WWOX: variants seen among roughly 807,000 people sequenced by gnomAD.
The protein encoded by WWOX is WW domain containing oxidoreductase.
In WWOX, 69 loss-of-function variants were observed where a neutral mutation model predicts 46.2. The observed-to-expected ratio is 1.49, with a 90% CI of 1.23 to 1.82. The LOEUF is 1.82. Among genes scored for constraint, WWOX ranks in the 40% most tolerant of loss-of-function variants. The probability of loss-of-function intolerance (pLI) is 0.00; values close to 1 mark genes in which losing one functional copy is unlikely to be tolerated. For missense variants in WWOX, 919 were observed against 542.6 expected, an observed-to-expected ratio of 1.69 and a Z score of -6.89; for synonymous variants, 359 against 202.6, an observed-to-expected ratio of 1.77 and a Z score of -6.56.
chr16:78,180,750 T>A (rs2035506967), intron 5 of WWOX, among the ~76,000 whole-genome samples: 1 of 151,016 alleles, frequency 6.6e-6, no homozygotes, highest in African/African-American at 2.4e-5. Flanking sequence ...AGTGGGTAAA[T>A]CCAGCTGTAC....
chr16:79,065,803 G>C (rs1312921812), intron 8 of WWOX, among the ~76,000 whole-genome samples: 1 of 152,238 alleles, frequency 6.6e-6, no homozygotes, highest in Non-Finnish European at 1.5e-5. Context: ...GCCCAGGGAT[G>C]AGTGAGGACT....
chr16:79,029,971 T>A (rs2047721293), intron 8 of WWOX, among the ~76,000 whole-genome samples: 1 of 152,208 alleles, frequency 6.6e-6, no homozygotes, highest in Non-Finnish European at 1.5e-5. Flanking sequence ...TTGATGATCC[T>A]GGTGGTAGGT....
intron 5 of WWOX, among the ~76,000 whole-genome samples, chr16:78,370,401 A>T (rs1347132927): frequency 6.6e-6 from 1 of 152,176 alleles, no homozygotes; most frequent in Non-Finnish European, 1.5e-5. Context: ...AATATTATTC[A>T]TTGGATAAAT....
At chr16:79,173,281 A>C (rs1478422758) in intron 8 of WWOX, among the ~76,000 whole-genome samples, 1 of 119,456 alleles carries the variant, frequency 8.4e-6, no homozygotes, top group Non-Finnish European at 1.7e-5. Flanking sequence ...GGAACCCTGC[A>C]TGTCCATGTG....
intron 5 of WWOX, among the ~76,000 whole-genome samples, chr16:78,226,084 G>A (rs1029563545): frequency 1.2e-4 from 18 of 152,132 alleles, no homozygotes; most frequent in African/African-American, 3.1e-4. Context: ...AGCATATACT[G>A]TTCAGTTGTT....
At chr16:78,699,586 C>T (rs914992312) in intron 8 of WWOX, among the ~76,000 whole-genome samples, 6 of 152,220 alleles carry the variant, frequency 3.9e-5, no homozygotes, top group East Asian at 3.9e-4. Flanking sequence ...ATACCACATA[C>T]GTGAATATAT....
chr16:78,908,839 C>G (rs1225365622), intron 8 of WWOX, among the ~76,000 whole-genome samples: 1 of 152,174 alleles, frequency 6.6e-6, no homozygotes, highest in Non-Finnish European at 1.5e-5. Context: ...TGCAAAGTAT[C>G]TAAAGTACTG....
At chr16:78,421,106 A>G (rs2082917644) in intron 6 of WWOX, among the ~76,000 whole-genome samples, 1 of 152,154 alleles carries the variant, frequency 6.6e-6, no homozygotes, top group Admixed American at 6.5e-5. Context: ...GTTTATATGA[A>G]TTTTGAATAT....
intron 8 of WWOX, among the ~76,000 whole-genome samples, chr16:79,026,287 C>G (rs947283032): frequency 6.6e-6 from 1 of 151,744 alleles, no homozygotes; most frequent in Non-Finnish European, 1.5e-5. Context: ...TAACTCCTGC[C>G]TGCCACAGGG....
chr16:78,867,416 T>G lies in WWOX; in HGVS notation c.1057-344192T>G, dbSNP rs368111981. ...TCTTACCTCAACTGGTGACTCTTCA[T>G]AATCTAGAGCTATTATAGTTTCCAA... On this transcript the variant is annotated intron_variant, in intron 8 of 8. Coordinates refer to ENST00000566780, the MANE Select transcript of WWOX (RefSeq NM_016373.4). Among the ~76,000 whole-genome samples the G allele has an allele frequency of 2.2e-4, 34 of 152,300 alleles. 1 individual carries two copies. In the East Asian group the frequency reaches 4.6e-3, roughly 21 times the overall value.
intron 8 of WWOX, among the ~76,000 whole-genome samples, chr16:78,904,109 C>T (rs139953990): frequency 1.3e-5 from 2 of 152,252 alleles, no homozygotes; most frequent in East Asian, 1.9e-4. Context: ...AAGAAAACTG[C>T]AGAGCTTTTG....
intron 4 of WWOX, among the ~76,000 whole-genome samples, chr16:78,159,572 G>C (rs72804948): frequency 0.13 from 20,373 of 151,368 alleles, 1,559 homozygotes; most frequent in South Asian, 0.2. Context: ...ATTTTCCTGA[G>C]AATTAGTGAC....
At chr16:78,648,468 A>T (rs1318585320) in intron 8 of WWOX, among the ~76,000 whole-genome samples, 1 of 152,226 alleles carries the variant, frequency 6.6e-6, no homozygotes, top group Non-Finnish European at 1.5e-5. Context: ...TGAGACACCA[A>T]AGATACACAT....
At chr16:79,089,386 C>G (rs1019699596) in intron 8 of WWOX, among the ~76,000 whole-genome samples, 8 of 149,330 alleles carry the variant, frequency 5.4e-5, no homozygotes, top group Non-Finnish European at 1.2e-4. Context: ...GGCTGGAATG[C>G]AGTGGCATGA....
At chr16:78,504,062 C>T (rs1441932179) in intron 8 of WWOX, among the ~76,000 whole-genome samples, 1 of 152,096 alleles carries the variant, frequency 6.6e-6, no homozygotes, top group Non-Finnish European at 1.5e-5. Flanking sequence ...AAGTGCTTGG[C>T]AACTGTGTTT....
chr16:78,448,245 G>T (rs7189823), intron 8 of WWOX, among the ~76,000 whole-genome samples: 21,213 of 152,158 alleles, frequency 0.14, 1,906 homozygotes, highest in East Asian at 0.3. Context: ...GCACAGTAAT[G>T]CATAACGGGG....
At chr16:78,314,713 T>TG (rs1567494587) in intron 5 of WWOX, among the ~76,000 whole-genome samples, 4 of 139,206 alleles carry the variant, frequency 2.9e-5, no homozygotes, top group East Asian at 2.1e-4. Context: ...TTTTTTTTTT[T>TG]TTTTTTTTCT....
At chr16:78,357,220 G>A (rs570627368) in intron 5 of WWOX, among the ~76,000 whole-genome samples, 8 of 152,292 alleles carry the variant, frequency 5.3e-5, no homozygotes, top group Admixed American at 3.3e-4. Context: ...TGCTAGCTGG[G>A]TTCTCTGGAT....
intron 8 of WWOX, among the ~76,000 whole-genome samples, chr16:79,199,596 T>C (rs1187058802): frequency 2.0e-5 from 3 of 152,190 alleles, no homozygotes; most frequent in Admixed American, 2.0e-4. Context: ...CATAGGGCTC[T>C]TGCAAGAGTT....
Sources: gnomAD v4.1 joint callset for allele counts (sites outside exome capture counted in the v4.1 genomes callset) on GRCh38, gnomAD v4.1.1 for gene constraint, MANE v1.5 for transcripts, NCBI Gene and HGNC (gene_info 2026-07-23, HGNC 2026-07-21) for gene names.